The following UNK variants were observed in gnomAD, a reference collection of about 807,000 sequenced individuals.
UNK encodes the protein RING finger protein unkempt homolog.
Under a neutral mutation model 97.6 loss-of-function variants are expected in UNK, and 32 were observed. That is an observed-to-expected ratio of 0.33 (90% CI 0.25 to 0.44). UNK has a LOEUF of 0.44. Ranked by LOEUF, UNK falls within the 20% of genes least tolerant of loss-of-function variation. UNK has a pLI of 1.00. For missense variants in UNK, 771 were observed against 1,098.4 expected, an observed-to-expected ratio of 0.70 and a Z score of 4.21; for synonymous variants, 441 against 461.2, an observed-to-expected ratio of 0.96 and a Z score of 0.56.
At chr17:75,815,392 C>A (rs946908205) in intron 7 of UNK, 139 bp downstream of exon 7, 2 of 726,154 alleles carry the variant, frequency 2.8e-6, no homozygotes, top group African/African-American at 3.5e-5. Flanking sequence ...GGCCTTGTCC[C>A]CACTGGAAGC....
At chr17:75,792,326 TAA>T in intron 1 of UNK, 1 of 985,430 alleles carries the variant, frequency 1.0e-6, no homozygotes, top group Non-Finnish European at 1.2e-6. Flanking sequence ...TGGTTGATAC[TAA>T]AGGAGGTTTT....
intron 1 of UNK, among the ~76,000 whole-genome samples, chr17:75,799,597 C>G (rs2061837581): frequency 6.6e-6 from 1 of 152,140 alleles, no homozygotes; most frequent in Admixed American, 6.6e-5. Flanking sequence ...CTTTTCACTT[C>G]CCACATCTCA....
chr17:75,804,527 A>G (rs1113758), intron 1 of UNK, among the ~76,000 whole-genome samples: 14,819 of 152,078 alleles, frequency 0.097, 1,485 homozygotes, highest in East Asian at 0.38. Flanking sequence ...AAGAGATTAA[A>G]AGAGAAGTAT....
intron 1 of UNK, chr17:75,791,615 T>C: frequency 2.2e-6 from 1 of 462,180 alleles, no homozygotes; most frequent in Non-Finnish European, 2.8e-6. Context: ...GTAGCCTTCA[T>C]TTAATCCCAC....
chr17:75,791,799 T>C, intron 1 of UNK: 1 of 985,464 alleles, frequency 1.0e-6, no homozygotes, highest in Non-Finnish European at 1.2e-6. Context: ...ACAACCCATA[T>C]GCATCTGCTT....
rs1051940688 is a variant in UNK at position 75,809,772 on chromosome 17, A to G, written c.117A>G (p.Glu39=). The change falls in exon 2 of 16, where the codon GAA becomes GAG. Residue 39 remains glutamate, a synonymous_variant. Coordinates refer to ENST00000589666, the MANE Select transcript of UNK (RefSeq NM_001080419.3). ...EKPQHYTYLK[E]FRTEQCPLFV... is the part of the protein sequence containing the mutation. ...GCTCTCTCTGCAGGTACCTGAAAGA[A>G]TTCCGCACAGAGCAGTGCCCACTCT... 1.9e-6 allele frequency: 3 copies of G among 1,609,236 alleles called. No individual in the cohort carries two copies. The highest frequency in any genetic ancestry group is 1.1e-5 in the South Asian group (1 of 90,300).
intron 1 of UNK, among the ~76,000 whole-genome samples, chr17:75,794,465 C>T (rs961714454): frequency 1.3e-4 from 20 of 152,090 alleles, no homozygotes; most frequent in Middle Eastern, 3.4e-3. Context: ...AGTGAAACCC[C>T]GTCTCTACTA....
Position 75,824,403 on chromosome 17 carries a change from A to C in UNK, c.2419A>C (p.Thr807Pro), listed in dbSNP as rs985592609. The change falls in exon 16 of 16, where the codon ACC becomes CCC. Residue 807 changes from threonine (T) to proline (P), a missense_variant. Coordinates refer to ENST00000589666, the MANE Select transcript of UNK (RefSeq NM_001080419.3). This position sits in a 1 kb window ranked among gnomAD's most constrained non-coding sequence, Gnocchi z 4.9. ...CATCTGCCAGCCTGGCCGGGCCCACACCCTCCAGTCGTGACCCTGCAGGCC... is the reference window on the plus strand; with the variant it reads ...CATCTGCCAGCCTGGCCGGGCCCACCCCCTCCAGTCGTGACCCTGCAGGCC... ...CPICQPGRAH[T>P]LQS 8 of 1,545,726 alleles carry C rather than the reference A, an allele frequency of 5.2e-6. No individual in the cohort carries two copies. Among genetic ancestry groups the C allele is most frequent in the Admixed American group, 3.7e-5 (2 of 53,738 alleles).
chr17:75,792,895 G>C (rs755476908), intron 1 of UNK, among the ~76,000 whole-genome samples: 1 of 152,224 alleles, frequency 6.6e-6, no homozygotes, highest in Non-Finnish European at 1.5e-5. Flanking sequence ...GGCTTCAAGC[G>C]CATGGCCTAT....
At chr17:75,805,415 AC>A (rs1366968869) in intron 1 of UNK, among the ~76,000 whole-genome samples, 23 of 148,998 alleles carry the variant, frequency 1.5e-4, no homozygotes, top group African/African-American at 5.2e-4. Flanking sequence ...AAAAAAAAAA[AC>A]AAGCCCACAT....
chr17:75,788,541 A>T (rs540505049), intron 1 of UNK, among the ~76,000 whole-genome samples: 1 of 152,136 alleles, frequency 6.6e-6, no homozygotes, highest in South Asian at 2.1e-4. Context: ...TTTAGTAGAG[A>T]TGGGGTTTCA....
chr17:75,821,736 C>A (rs1196809550), intron 13 of UNK: 2 of 456,376 alleles, frequency 4.4e-6, no homozygotes, highest in Middle Eastern at 3.2e-4. Flanking sequence ...GGGTCCTTCT[C>A]GGAAGCCCGG....
rs1034502934 is a variant in UNK at position 75,817,694 on chromosome 17, A to C, written c.1305+168A>C. Reference sequence around the variant, plus strand: ...GAGGGAGCAGTGTCAGCCCATTTGCAGCTGAAGACAGGAAGGCTGGGGAGG... The same window carrying C: ...GAGGGAGCAGTGTCAGCCCATTTGCCGCTGAAGACAGGAAGGCTGGGGAGG... On this transcript the variant is annotated intron_variant, in intron 9 of 15. Transcript: ENST00000589666. This position sits in a 1 kb window ranked among gnomAD's most constrained non-coding sequence, Gnocchi z 5.8. Among the ~76,000 whole-genome samples the C allele has an allele frequency of 1.3e-5, 2 of 152,136 alleles. No individual in the cohort carries two copies. Among genetic ancestry groups the C allele is most frequent in the Non-Finnish European group, 2.9e-5 (2 of 68,014 alleles).
At chr17:75,809,681 T>C (rs2061950729) in intron 1 of UNK, 79 bp from the exon 2 acceptor site, 3 of 1,491,032 alleles carry the variant, frequency 2.0e-6, no homozygotes, top group Non-Finnish European at 2.7e-6. Context: ...TCAGGGGACT[T>C]GGCGGCTAAC....
chr17:75,799,921 C>T (rs4789229), intron 1 of UNK, among the ~76,000 whole-genome samples: 76,163 of 151,966 alleles, frequency 0.5, 23,226 homozygotes, highest in Admixed American at 0.65. Flanking sequence ...GAGTTTGAGA[C>T]CTGCTCAGGC....
rs1414817802 is a variant in UNK at position 75,824,567 on chromosome 17, T to C, written c.*150T>C. 3.5e-6 allele frequency: 2 copies of C among 573,544 alleles called. No homozygotes were observed. The highest frequency in any genetic ancestry group is 9.9e-5 in the East Asian group (2 of 20,230). The allele number at this position is 573,544 out of a possible 1,614,324, so 35.5% of individuals were successfully genotyped here. On this transcript the variant is annotated 3_prime_UTR_variant, in exon 16 of 16. Coordinates refer to ENST00000589666, the MANE Select transcript of UNK (RefSeq NM_001080419.3). The surrounding 1 kb of genome is among the most constrained non-coding windows in gnomAD (Gnocchi z 4.9). ...GTATACATTTCCGTATGTATGTATA[T>C]GTATACATTTCCGTATGTGTGCAGG...
chr17:75,797,934 G>A (rs1340477671), intron 1 of UNK, among the ~76,000 whole-genome samples: 1 of 152,086 alleles, frequency 6.6e-6, no homozygotes, highest in Non-Finnish European at 1.5e-5. Flanking sequence ...TTGTCTGGAG[G>A]CCATCATTGT....
At chr17:75,785,162 A>C in intron 1 of UNK, 178 bp downstream of exon 1, 8 of 484,024 alleles carry the variant, frequency 1.7e-5, no homozygotes, top group Admixed American at 4.2e-5. Context: ...ACTGCCACCA[A>C]CCTCTGGTCG....
chr17:75,807,291 G>T (rs1190239024), intron 1 of UNK, among the ~76,000 whole-genome samples: 1 of 152,196 alleles, frequency 6.6e-6, no homozygotes, highest in Admixed American at 6.5e-5. Flanking sequence ...GGAGACTGGG[G>T]CAGGAGGATT....
Sources: gnomAD v4.1 joint callset for allele counts (sites outside exome capture counted in the v4.1 genomes callset) on GRCh38, gnomAD v4.1.1 for gene constraint, Gnocchi (gnomAD v3.1) non-coding constraint, MANE v1.5 for transcripts, NCBI Gene and HGNC (gene_info 2026-07-23, HGNC 2026-07-21) for gene names.